The following FNDC3A variants were observed in gnomAD, a reference collection of about 807,000 sequenced individuals.
FNDC3A encodes the protein fibronectin type III domain containing 3A, also known as fibronectin type-III domain-containing protein 3A.
FNDC3A carries 32 observed loss-of-function variants against 148.9 expected under a neutral mutation model. That is an observed-to-expected ratio of 0.21 (90% CI 0.16 to 0.29). The LOEUF is 0.29. FNDC3A is among the 10% of genes least tolerant of loss of function. The pLI, the probability that FNDC3A is intolerant of heterozygous loss-of-function variation, is 1.00. For synonymous variants in FNDC3A, 472 were observed against 473.6 expected, an observed-to-expected ratio of 1.00 and a Z score of 0.04; for missense variants, 1,191 against 1,452.8, an observed-to-expected ratio of 0.82 and a Z score of 2.93.
At chr13:49,113,976 G>C (rs994095785) in intron 3 of FNDC3A, among the ~76,000 whole-genome samples, 2 of 151,530 alleles carry the variant, frequency 1.3e-5, no homozygotes, top group East Asian at 1.9e-4. Flanking sequence ...GAAGTGTAGA[G>C]TGAGAGAAGC....
intron 2 of FNDC3A, among the ~76,000 whole-genome samples, chr13:49,062,411 A>G (rs142048669): frequency 2.0e-5 from 3 of 152,314 alleles, no homozygotes; most frequent in South Asian, 2.1e-4. Flanking sequence ...TCTTTAGCCT[A>G]CTAGTTAAGG....
chr13:49,047,886 GT>G (rs957617944), intron 2 of FNDC3A, among the ~76,000 whole-genome samples: 1 of 152,056 alleles, frequency 6.6e-6, no homozygotes, highest in African/African-American at 2.4e-5. Flanking sequence ...GTCTAGAAGG[GT>G]TTTTTTCTCA....
intron 8 of FNDC3A, among the ~76,000 whole-genome samples, chr13:49,164,964 A>C (rs1255999044): frequency 6.6e-6 from 1 of 152,062 alleles, no homozygotes; most frequent in Non-Finnish European, 1.5e-5. Flanking sequence ...GATGCTTTTG[A>C]ATGTGTTTTG....
At chr13:49,144,857 T>C (rs1489341869) in intron 7 of FNDC3A, among the ~76,000 whole-genome samples, 1 of 152,182 alleles carries the variant, frequency 6.6e-6, no homozygotes, top group Non-Finnish European at 1.5e-5. Context: ...TGTACTGCTT[T>C]CCAGCTTCAC....
intron 4 of FNDC3A, among the ~76,000 whole-genome samples, chr13:49,117,215 A>G (rs574575800): frequency 1.3e-5 from 2 of 152,292 alleles, no homozygotes; most frequent in Non-Finnish European, 2.9e-5. Flanking sequence ...TAATCTTCCT[A>G]TAGCATTTCT....
At chr13:49,138,107 T>C (rs1257457400) in intron 6 of FNDC3A, among the ~76,000 whole-genome samples, 1 of 152,208 alleles carries the variant, frequency 6.6e-6, no homozygotes, top group Non-Finnish European at 1.5e-5. Context: ...ATGTAAGCCA[T>C]GTGAACTCTT....
intron 5 of FNDC3A, 103 bp from the exon 6 acceptor site, chr13:49,136,229 A>C (rs1882347392): frequency 1.0e-6 from 1 of 999,264 alleles, no homozygotes; most frequent in Non-Finnish European, 1.4e-6. Flanking sequence ...TAAATATTTT[A>C]TAAAAGTTTT....
At chr13:48,981,836 G>A (rs112793139) in intron 1 of FNDC3A, among the ~76,000 whole-genome samples, 4 of 109,132 alleles carry the variant, frequency 3.7e-5, no homozygotes, top group African/African-American at 1.0e-4. Context: ...AATGCTGGGG[G>A]AAAAAAAAGT....
chr13:49,089,423 C>G (rs1485864884), intron 3 of FNDC3A, among the ~76,000 whole-genome samples: 1 of 152,080 alleles, frequency 6.6e-6, no homozygotes, highest in African/African-American at 2.4e-5. Context: ...TTGCATGGTA[C>G]AGATGACTTT....
rs958151804 is a variant in FNDC3A at position 49,013,603 on chromosome 13, C to T, written c.99+7314C>T. ...ATGTGTATGCAAGTATAGATGTACA[C>T]GTGTATACATGTGTACACGTGTATA... On this transcript the variant is annotated intron_variant, in intron 2 of 25. Transcript: ENST00000492622. Among the ~76,000 whole-genome samples, 13 of 151,194 alleles carry T rather than the reference C, an allele frequency of 8.6e-5. No homozygotes were observed. The South Asian group carries it at 2.1e-3, about 24-fold the overall frequency.
chr13:49,068,890 T>TA (rs1343687356), intron 2 of FNDC3A, among the ~76,000 whole-genome samples: 1 of 151,988 alleles, frequency 6.6e-6, no homozygotes, highest in Non-Finnish European at 1.5e-5. Flanking sequence ...CAACAGACAC[T>TA]AGGGCTTACC....
chr13:49,058,070 A>G (rs1186050450), intron 2 of FNDC3A, among the ~76,000 whole-genome samples: 2 of 152,156 alleles, frequency 1.3e-5, no homozygotes, highest in Non-Finnish European at 2.9e-5. Context: ...TAGCAGGACA[A>G]GCCACAGACA....
intron 2 of FNDC3A, among the ~76,000 whole-genome samples, chr13:49,031,275 G>A (rs538941220): frequency 8.6e-4 from 130 of 152,044 alleles, no homozygotes; most frequent in South Asian, 7.5e-3. Context: ...CCAGCTACTC[G>A]GGAGGCTGAG....
intron 2 of FNDC3A, among the ~76,000 whole-genome samples, chr13:49,050,347 T>C (rs1875746613): frequency 6.6e-6 from 1 of 152,224 alleles, no homozygotes; most frequent in Admixed American, 6.5e-5. Flanking sequence ...GTGTCACTAT[T>C]ATCATTCAGT....
At chr13:49,013,383 TTTTA>T (rs1699801196) in intron 2 of FNDC3A, among the ~76,000 whole-genome samples, 1 of 152,136 alleles carries the variant, frequency 6.6e-6, no homozygotes, top group African/African-American at 2.4e-5. Context: ...TTTACATTAA[TTTTA>T]TTATTATACT....
intron 2 of FNDC3A, among the ~76,000 whole-genome samples, chr13:49,056,362 A>G (rs753451960): frequency 3.3e-5 from 5 of 151,908 alleles, no homozygotes; most frequent in Non-Finnish European, 7.4e-5. Flanking sequence ...AGTAACATGT[A>G]TTTTTTCTCT....
chr13:48,976,438 A>G (rs905491041), intron 1 of FNDC3A, among the ~76,000 whole-genome samples: 28 of 152,248 alleles, frequency 1.8e-4, no homozygotes, highest in African/African-American at 6.5e-4. Context: ...TAGCCAGGAC[A>G]CGCTTGCGGG....
intron 2 of FNDC3A, among the ~76,000 whole-genome samples, chr13:49,057,527 A>G (rs1442762814): frequency 1.3e-5 from 2 of 152,006 alleles, no homozygotes; most frequent in Non-Finnish European, 2.9e-5. Context: ...AAATTTATGC[A>G]TTTGTTATCT....
Position 49,114,644 on chromosome 13 carries a change from G to A in FNDC3A, c.176-11G>A, listed in dbSNP as rs759049351. 6.3e-7 allele frequency: 1 copy of A among 1,593,612 alleles called. No individual in the cohort carries two copies. The highest frequency in any genetic ancestry group is 8.6e-7 in the Non-Finnish European group (1 of 1,161,508). On this transcript the variant is annotated splice_polypyrimidine_tract_variant and intron_variant, in intron 3 of 25. Coordinates refer to ENST00000492622, the MANE Select transcript of FNDC3A (RefSeq NM_001079673.2). ...TCATGGGTTAATACATCATTTATGT[G>A]ACCCATTCAGGTCCTGCTCAGGTTC... is the stretch of plus-strand genomic sequence containing the variant.
Sources: gnomAD v4.1 joint callset for allele counts (sites outside exome capture counted in the v4.1 genomes callset) on GRCh38, gnomAD v4.1.1 for gene constraint, MANE v1.5 for transcripts, NCBI Gene and HGNC (gene_info 2026-07-23, HGNC 2026-07-21) for gene names.